The following KIAA0825 variants were observed in gnomAD, a reference collection of about 807,000 sequenced individuals.
The protein encoded by KIAA0825 is KIAA0825.
Under a neutral mutation model 147.6 loss-of-function variants are expected in KIAA0825, and 119 were observed. That is an observed-to-expected ratio of 0.81 (90% confidence interval 0.69 to 0.94). KIAA0825 has a LOEUF of 0.94. KIAA0825 is among the 40% of genes least tolerant of loss of function. The pLI is 0.00. For missense variants in KIAA0825, 1,381 were observed against 1,472.7 expected (o/e 0.94, Z 1.02); for synonymous variants, 470 against 518.1 (o/e 0.91, Z 1.26).
chr5:94,369,870 GA>G (rs1183004592), intron 20 of KIAA0825, among the ~76,000 whole-genome samples: 5 of 151,994 alleles, frequency 3.3e-5, no homozygotes, highest in African/African-American at 1.2e-4. Flanking sequence ...TAAAACACAA[GA>G]AGCCATAGTT....
At chr5:94,538,732 G>GT (rs780197941) in intron 2 of KIAA0825, among the ~76,000 whole-genome samples, 5 of 152,192 alleles carry the variant, frequency 3.3e-5, no homozygotes, top group Non-Finnish European at 7.3e-5. Flanking sequence ...TTTCTCTACC[G>GT]TTAAGAGGTT....
chr5:94,374,312 T>C (rs1463908704), intron 20 of KIAA0825, among the ~76,000 whole-genome samples: 4 of 152,208 alleles, frequency 2.6e-5, no homozygotes, highest in South Asian at 2.1e-4. Flanking sequence ...TTTCTGTCAA[T>C]AGCATTTAAC....
chr5:94,603,891 T>C (rs1471469643), intron 1 of KIAA0825, among the ~76,000 whole-genome samples: 3 of 152,202 alleles, frequency 2.0e-5, no homozygotes, highest in African/African-American at 7.2e-5. Context: ...CCTGAATATA[T>C]ATGCAACCAA....
intron 1 of KIAA0825, among the ~76,000 whole-genome samples, chr5:94,585,836 C>T (rs964081610): frequency 6.6e-6 from 1 of 152,182 alleles, no homozygotes; most frequent in African/African-American, 2.4e-5. Context: ...TCACAACAAA[C>T]TGTCTCCCAC....
chr5:94,546,879 A>C (rs1288694544), intron 2 of KIAA0825, among the ~76,000 whole-genome samples: 1 of 151,720 alleles, frequency 6.6e-6, no homozygotes, highest in Non-Finnish European at 1.5e-5. Context: ...ATAAGGCACC[A>C]GAGACCAATC....
chr5:94,578,596 A>T (rs977180835), intron 2 of KIAA0825, among the ~76,000 whole-genome samples: 5 of 152,194 alleles, frequency 3.3e-5, no homozygotes, highest in Admixed American at 1.3e-4. Context: ...TAGTTACTAG[A>T]TCTCATTATA....
intron 1 of KIAA0825, among the ~76,000 whole-genome samples, chr5:94,608,120 G>C (rs1787831296): frequency 6.6e-6 from 1 of 151,688 alleles, no homozygotes; most frequent in African/African-American, 2.4e-5. Flanking sequence ...TACGTATTAG[G>C]ATGTAGGTAT....
chr5:94,384,543 A>G (rs1748883483), intron 19 of KIAA0825, 85 bp from the exon 20 acceptor site: 3 of 1,051,680 alleles, frequency 2.9e-6, no homozygotes. Context: ...CAGCTGTGAT[A>G]GACTAACTAA....
At chr5:94,448,457 C>A (rs139527524) in intron 13 of KIAA0825, among the ~76,000 whole-genome samples, 33 of 151,868 alleles carry the variant, frequency 2.2e-4, no homozygotes, top group African/African-American at 8.0e-4. Context: ...TTGTTTCTTT[C>A]CTTCTCAGCC....
At chr5:94,492,403 G>A (rs1209297767) in intron 5 of KIAA0825, among the ~76,000 whole-genome samples, 1 of 152,188 alleles carries the variant, frequency 6.6e-6, no homozygotes, top group African/African-American at 2.4e-5. Flanking sequence ...TGAGAAACCT[G>A]CCCTCAGACC....
At chr5:94,298,376 A>G (rs1318066426) in intron 20 of KIAA0825, among the ~76,000 whole-genome samples, 1 of 152,172 alleles carries the variant, frequency 6.6e-6, no homozygotes, top group Admixed American at 6.5e-5. Context: ...TCTTTCTTCC[A>G]TAGTTTAGCT....
intron 20 of KIAA0825, among the ~76,000 whole-genome samples, chr5:94,383,559 C>G (rs1466636650): frequency 6.6e-6 from 1 of 152,040 alleles, no homozygotes; most frequent in Non-Finnish European, 1.5e-5. Flanking sequence ...ACAGACGACT[C>G]AAACAATAAA....
At chr5:94,573,318 T>C (rs948682742) in intron 2 of KIAA0825, among the ~76,000 whole-genome samples, 2 of 146,452 alleles carry the variant, frequency 1.4e-5, no homozygotes, top group African/African-American at 5.1e-5. Context: ...TCATCCAGGC[T>C]TGAGTACAGT....
intron 3 of KIAA0825, among the ~76,000 whole-genome samples, chr5:94,529,399 G>GTATATATCATATATGTA (rs1477726324): frequency 3.5e-5 from 5 of 144,092 alleles, no homozygotes; most frequent in Non-Finnish European, 7.5e-5. Context: ...TATATCATAT[G>GTATATATCATATATGTA]TATATCTCAT....
intron 15 of KIAA0825, among the ~76,000 whole-genome samples, chr5:94,412,284 C>T (rs1254675584): frequency 1.3e-5 from 2 of 152,158 alleles, no homozygotes; most frequent in African/African-American, 4.8e-5. Flanking sequence ...CTTAGAATAA[C>T]CAAAATCAAA....
intron 6 of KIAA0825, among the ~76,000 whole-genome samples, chr5:94,478,301 CAG>C (rs1444692733): frequency 2.6e-5 from 4 of 152,142 alleles, no homozygotes; most frequent in African/African-American, 7.2e-5. Flanking sequence ...GAAATTTTAT[CAG>C]AGTTTACATA....
At chr5:94,243,283 T>C (rs145396600) in intron 20 of KIAA0825, among the ~76,000 whole-genome samples, 1 of 152,202 alleles carries the variant, frequency 6.6e-6, no homozygotes, top group African/African-American at 2.4e-5. Context: ...ACAACTGTAA[T>C]TGCCTTTGGT....
chr5:94,471,204 G>A (rs980709933), intron 9 of KIAA0825, among the ~76,000 whole-genome samples: 5 of 152,200 alleles, frequency 3.3e-5, no homozygotes, highest in African/African-American at 9.6e-5. Context: ...AAATAGTTGC[G>A]CTGGGTTAGG....
rs1750652953 is a variant in KIAA0825, at chr5:94,396,369, T to G, written c.3028A>C (p.Lys1010Gln). The change falls in exon 17 of 21, where the codon AAA becomes CAA. Residue 1010 changes from lysine to glutamine, a missense_variant. Coordinates refer to ENST00000682413, the MANE Select transcript of KIAA0825 (RefSeq NM_001145678.3). ...KMSKKFVELK[K>Q]AGLLVWNLIV... The stretch of plus-strand genomic sequence containing the variant: ...AAGTTCCAGACAAGCAGGCCAGCTT[T>G]CTTCAATTCAACAAATTTTTTTGAC... The G allele has an allele frequency of 6.4e-7, 1 of 1,550,770 alleles. No homozygotes were observed.
Sources: gnomAD v4.1 joint callset for allele counts (sites outside exome capture counted in the v4.1 genomes callset) on GRCh38, gnomAD v4.1.1 for gene constraint, MANE v1.5 for transcripts, NCBI Gene and HGNC (gene_info 2026-07-23, HGNC 2026-07-21) for gene names.